Variants in COL11A2 observed in about 807,000 individuals in gnomAD.
COL11A2 encodes collagen alpha-2(XI) chain.
COL11A2 carries 116 observed loss-of-function variants against 273.4 expected under a neutral mutation model. The ratio of observed to expected loss-of-function variants is 0.42; its 90% CI spans 0.36 to 0.49. The LOEUF is 0.49. Among genes scored for constraint, COL11A2 ranks in the 20% least tolerant of loss-of-function variants. COL11A2 has a pLI of 0.00. For missense variants in COL11A2, 1,866 were observed against 2,309.0 expected (o/e 0.81, Z 3.93); for synonymous variants, 782 against 864.2 (o/e 0.90, Z 1.67).
In COL11A2 at chr6:33,171,704, CA is replaced by C. The variant is rs944528112; in HGVS notation, c.3150+8del. On this transcript the variant is annotated splice_region_variant and intron_variant, in intron 42 of 65. Coordinates refer to ENST00000341947, the MANE Select transcript of COL11A2 (RefSeq NM_080680.3). ...CCCCAGTACCCCTCCCCAATACCCC[CA>C]CACTCACTGGGACACCTTTCTCTCC... The C allele has an allele frequency of 6.2e-7, 1 of 1,612,452 alleles. No individual in the cohort carries two copies. Among genetic ancestry groups the C allele is most frequent in the Admixed American group, 1.7e-5 (1 of 59,990 alleles).
chr6:33,163,330 T>C lies in COL11A2; in HGVS notation c.*348A>G. On this transcript the variant is annotated 3_prime_UTR_variant, in exon 66 of 66. Transcript: ENST00000341947. The surrounding 1 kb of genome is among the most constrained non-coding windows in gnomAD (Gnocchi z 4.1). ...TTTTGTTATTTTGCTTTCCACACTT[T>C]AAATAATTAATACAATTACTTTTAA... The C allele has an allele frequency of 2.9e-6, 1 of 340,416 alleles. No individual in the cohort carries two copies. The highest frequency in any genetic ancestry group is 4.4e-5 in the Admixed American group (1 of 22,844). 21.1% of individuals were successfully genotyped at this position (340,416 alleles called of 1,614,324 possible). A position where few individuals can be genotyped will look rare whatever the true frequency, so the allele number is the denominator to read the frequency against.
intron 4 of COL11A2, 80 bp downstream of exon 4, chr6:33,188,282 A>G: frequency 6.5e-7 from 1 of 1,528,692 alleles, no homozygotes; most frequent in Non-Finnish European, 9.1e-7. Flanking sequence ...GAATAGGAAG[A>G]TGACATGCTG....
rs750665589 is a variant in COL11A2 at position 33,167,383 on chromosome 6, C to T, written c.4122+43G>A. 6.2e-7 allele frequency: 1 copy of T among 1,612,484 alleles called. No homozygotes were observed. The highest frequency in any genetic ancestry group is 8.5e-7 in the Non-Finnish European group (1 of 1,179,710). On this transcript the variant is annotated intron_variant, in intron 56 of 65. Coordinates refer to ENST00000341947, the MANE Select transcript of COL11A2 (RefSeq NM_080680.3). The surrounding 1 kb of genome is among the most constrained non-coding windows in gnomAD (Gnocchi z 6.1). ...CCCACACTGCACCCCTCCCATGGCC[C>T]CTCACTCCCACCCCAGCCCAGCCCT...
chr6:33,173,405 G>T lies in COL11A2; in HGVS notation c.2683-4C>A. The T allele has an allele frequency of 6.2e-7, 1 of 1,613,144 alleles. No individual in the cohort carries two copies. The highest frequency in any genetic ancestry group is 8.5e-7 in the Non-Finnish European group (1 of 1,179,940). On this transcript the variant is annotated splice_region_variant and splice_polypyrimidine_tract_variant and intron_variant, in intron 36 of 65. Coordinates refer to ENST00000341947, the MANE Select transcript of COL11A2 (RefSeq NM_080680.3). This position sits in a 1 kb window ranked among gnomAD's most constrained non-coding sequence, Gnocchi z 6.3. ...GCCCATCCTTCCCAGGGGGGCCCTG[G>T]AAGGGGTTCAGTTGTCAGGTGAACT...
At position 33,173,463 on chromosome 6, in the gene COL11A2, CAG is replaced by C. The variant is rs1324462603; in HGVS notation, c.2682+37_2682+38del. The C allele has an allele frequency of 6.2e-7, 1 of 1,612,254 alleles. No individual in the cohort carries two copies. Among genetic ancestry groups the C allele is most frequent in the Non-Finnish European group, 8.5e-7 (1 of 1,179,418 alleles). ...GGAAAGCAGGTAGGGAAGAAGGACT[CAG>C]AGAAGCGAGGTGGGTCAGAGCTCGG... is the stretch of plus-strand genomic sequence containing the variant. On this transcript the variant is annotated intron_variant, in intron 36 of 65. Coordinates refer to ENST00000341947, the MANE Select transcript of COL11A2 (RefSeq NM_080680.3). This position sits in a 1 kb window ranked among gnomAD's most constrained non-coding sequence, Gnocchi z 6.3.
At position 33,170,487 on chromosome 6, in the gene COL11A2, G is replaced by A. The variant is rs1208066921; in HGVS notation, c.3528+70C>T. On this transcript the variant is annotated intron_variant, in intron 47 of 65. Coordinates refer to ENST00000341947, the MANE Select transcript of COL11A2 (RefSeq NM_080680.3). This position sits in a 1 kb window ranked among gnomAD's most constrained non-coding sequence, Gnocchi z 4.3. ...CAGGCCAGGGAGTTGGCAGTGGGGT[G>A]TGGGGTGGGGGCTGGCCAGGGAGGG... 2.5e-6 allele frequency: 4 copies of A among 1,577,146 alleles called. No homozygotes were observed. Among genetic ancestry groups the A allele is most frequent in the Non-Finnish European group, 3.5e-6 (4 of 1,152,584 alleles).
Position 33,171,816 on chromosome 6 carries a change from G to T in COL11A2, c.3047C>A (p.Ser1016Tyr), listed in dbSNP as rs1293587438. The change falls in exon 42 of 66, where the codon TCC becomes TAC. Residue 1016 changes from serine (S) to tyrosine (Y), a missense_variant. Coordinates refer to ENST00000341947, the MANE Select transcript of COL11A2 (RefSeq NM_080680.3). ...TCCTGCTGCACCTCGTTCCCCAGGGGAGCCCTGAGAAAGCAGATGGTCAGA... is the reference window on the plus strand; with the variant it reads ...TCCTGCTGCACCTCGTTCCCCAGGGTAGCCCTGAGAAAGCAGATGGTCAGA... ...GPSGPPGPAG[S>Y]PGERGAAGSG... 4 of 1,612,854 alleles carry T rather than the reference G, an allele frequency of 2.5e-6. No individual in the cohort carries two copies. Among genetic ancestry groups the T allele is most frequent in the Non-Finnish European group, 3.4e-6 (4 of 1,179,926 alleles).
chr6:33,178,799 C>T lies in COL11A2; in HGVS notation c.1666-67G>A. ...TCCAAGCCCACCCCTCCCTACTGCA[C>T]CCTGAGCTGGGGGGGTGCTGATCCT... On this transcript the variant is annotated intron_variant, in intron 17 of 65. Coordinates refer to ENST00000341947, the MANE Select transcript of COL11A2 (RefSeq NM_080680.3). This position sits in a 1 kb window ranked among gnomAD's most constrained non-coding sequence, Gnocchi z 4.6. The T allele has an allele frequency of 6.2e-7, 1 of 1,607,066 alleles. No homozygotes were observed. The highest frequency in any genetic ancestry group is 8.5e-7 in the Non-Finnish European group (1 of 1,174,652).
chr6:33,165,053 C>T lies in COL11A2; in HGVS notation c.4751-89G>A. The T allele has an allele frequency of 1.0e-6, 1 of 975,376 alleles. No individual in the cohort carries two copies. Among genetic ancestry groups the T allele is most frequent in the Non-Finnish European group, 1.6e-6 (1 of 628,148 alleles). The allele number at this position is 975,376 out of a possible 1,614,324, so 60.4% of individuals were successfully genotyped here. ...CCCCACATTCCCTCTTCCCTCCCAG[C>T]CCTCCCCATCATGCTCTTAGTCTCC... On this transcript the variant is annotated intron_variant, in intron 63 of 65. Coordinates refer to ENST00000341947, the MANE Select transcript of COL11A2 (RefSeq NM_080680.3). This position sits in a 1 kb window ranked among gnomAD's most constrained non-coding sequence, Gnocchi z 7.7.
rs2855458 is a variant in COL11A2 at position 33,186,921 on chromosome 6, G to C, written c.607-103C>G. On this transcript the variant is annotated intron_variant, in intron 4 of 65. Coordinates refer to ENST00000341947, the MANE Select transcript of COL11A2 (RefSeq NM_080680.3). The stretch of plus-strand genomic sequence containing the variant: ...AGGCCAATCCTAGGTAAAACCCTAA[G>C]ATGGGAGAAGGTCACTGTCAGTCCT... The C allele has an allele frequency of 0.017, 25,109 of 1,504,540 alleles. 620 individuals carry two copies. The highest frequency in any genetic ancestry group is 0.079 in the South Asian group (7,029 of 88,874). The allele number at this position is 1,504,540 out of a possible 1,614,324, so 93.2% of individuals were successfully genotyped here.
At position 33,167,003 on chromosome 6, in the gene COL11A2, G is replaced by A; in HGVS notation, c.4230+67C>T. ...CTGAAGCAGAGCAGTGGGCACTTGG[G>A]TCCCACAGGTTTCAGGGGCGAGGGT... On this transcript the variant is annotated intron_variant, in intron 58 of 65. Transcript: ENST00000341947. This position sits in a 1 kb window ranked among gnomAD's most constrained non-coding sequence, Gnocchi z 6.1. 2.5e-6 allele frequency: 4 copies of A among 1,602,312 alleles called. No individual in the cohort carries two copies. Among genetic ancestry groups the A allele is most frequent in the Non-Finnish European group, 1.7e-6 (2 of 1,171,680 alleles).
intron 3 of COL11A2, 64 bp downstream of exon 3, chr6:33,188,914 G>C: frequency 6.4e-7 from 1 of 1,562,104 alleles, no homozygotes; most frequent in Admixed American, 1.7e-5. Flanking sequence ...TAGAGTGTAG[G>C]GGTTTGGGGG....
Position 33,185,789 on chromosome 6 carries a change from G to C in COL11A2, c.799-11C>G, listed in dbSNP as rs766226613. The stretch of plus-strand genomic sequence containing the variant: ...GAGAGACTCAGTGGGCTGGGATTGG[G>C]GGGTGGGCATAGACAGGAAGGGGAT... On this transcript the variant is annotated splice_polypyrimidine_tract_variant and intron_variant, in intron 5 of 65. Transcript: ENST00000341947. 3.3e-6 allele frequency: 4 copies of C among 1,215,786 alleles called. No individual in the cohort carries two copies. In the South Asian group the frequency reaches 3.5e-5, roughly 11 times the overall value. 75.3% of individuals were successfully genotyped at this position (1,215,786 alleles called of 1,614,324 possible).
Position 33,177,357 on chromosome 6 carries a change from T to G in COL11A2, c.1971+55A>C, listed in dbSNP as rs1255055374. 7 of 1,607,868 alleles carry G rather than the reference T, an allele frequency of 4.4e-6. No individual in the cohort carries two copies. The highest frequency in any genetic ancestry group is 6.0e-6 in the Non-Finnish European group (7 of 1,175,746). ...TATCCTTCCAGGGTCTCACCCATTG[T>G]GGAAGCCCAAGGGAAGTCATGAAAA... On this transcript the variant is annotated intron_variant, in intron 23 of 65. Coordinates refer to ENST00000341947, the MANE Select transcript of COL11A2 (RefSeq NM_080680.3). This position sits in a 1 kb window ranked among gnomAD's most constrained non-coding sequence, Gnocchi z 5.9.
chr6:33,176,725 T>C lies in COL11A2; in HGVS notation c.2111A>G (p.Asn704Ser). 6.2e-7 allele frequency: 1 copy of C among 1,613,034 alleles called. No homozygotes were observed. The highest frequency in any genetic ancestry group is 8.5e-7 in the Non-Finnish European group (1 of 1,179,544). Residue 704 changes from asparagine to serine, a missense_variant, in exon 26 of 66, where the codon AAC (asparagine) becomes AGC (serine). Asn to Ser is a conservative substitution (Grantham distance 46, BLOSUM62 1). Coordinates refer to ENST00000341947, the MANE Select transcript of COL11A2 (RefSeq NM_080680.3). The surrounding 1 kb of genome is among the most constrained non-coding windows in gnomAD (Gnocchi z 4.9). The stretch of plus-strand genomic sequence containing the variant: ...TAAAGACATGGAAGATCTCACCTGG[T>C]TTCCTTTGGTTCCAGGGGGACCTTC... Reference protein sequence around the residue: ...GKEGPPGTKGNQGPSGPQGPL... With the variant: ...GKEGPPGTKGSQGPSGPQGPL...
rs1425985481 is a variant in COL11A2 at position 33,169,124 on chromosome 6, G to A, written c.3799-116C>T. The A allele has an allele frequency of 5.8e-6, 6 of 1,027,674 alleles. No individual in the cohort carries two copies. The African/African-American group carries it at 8.1e-5, about 14-fold the overall frequency. 63.7% of individuals were successfully genotyped at this position (1,027,674 alleles called of 1,614,324 possible). ...AGGCAGTGCCCACCAGTACCCCCCA[G>A]GAAGAGGTCTCCTGCACCCCTTTCC... On this transcript the variant is annotated intron_variant, in intron 51 of 65. Transcript: ENST00000341947. The surrounding 1 kb of genome is among the most constrained non-coding windows in gnomAD (Gnocchi z 5.5).
At position 33,166,285 on chromosome 6, in the gene COL11A2, A is replaced by G. The variant is rs576723715; in HGVS notation, c.4393-79T>C. ...CAGAGGAGCGGGGAGGCAAGGTCCC[A>G]AGTCCACAGGAGCCTCGGGTTACTA... is the stretch of plus-strand genomic sequence containing the variant. On this transcript the variant is annotated intron_variant, in intron 60 of 65. Coordinates refer to ENST00000341947, the MANE Select transcript of COL11A2 (RefSeq NM_080680.3). This position sits in a 1 kb window ranked among gnomAD's most constrained non-coding sequence, Gnocchi z 4.8. 3 of 1,530,830 alleles carry G rather than the reference A, an allele frequency of 2.0e-6. No individual in the cohort carries two copies. The highest frequency in any genetic ancestry group is 2.7e-6 in the Non-Finnish European group (3 of 1,129,968). 94.8% of individuals were successfully genotyped at this position (1,530,830 alleles called of 1,614,324 possible).
intron 4 of COL11A2, among the ~76,000 whole-genome samples, chr6:33,187,878 G>C (rs1411260647): frequency 6.6e-6 from 1 of 152,028 alleles, no homozygotes; most frequent in Non-Finnish European, 1.5e-5. Flanking sequence ...TAGCTGGATG[G>C]AGGAGTTGAA....
chr6:33,175,756 A>T, intron 29 of COL11A2, 75 bp from the exon 30 acceptor site: 1 of 1,413,416 alleles, frequency 7.1e-7, no homozygotes. Flanking sequence ...AATGGGCAAC[A>T]GTGAGGCTGA....
Sources: allele counts gnomAD v4.1 joint callset (sites outside exome capture counted in the v4.1 genomes callset), GRCh38; gene constraint gnomAD v4.1.1; non-coding constraint Gnocchi (gnomAD v3.1); transcripts MANE v1.5; gene names NCBI Gene and HGNC (gene_info 2026-07-23, HGNC 2026-07-21).